Variants in ASAP1 observed in about 807,000 individuals in gnomAD.
The protein encoded by ASAP1 is ArfGAP with SH3 domain, ankyrin repeat and PH domain 1.
Under a neutral mutation model 145.2 loss-of-function variants are expected in ASAP1, and 43 were observed. That is an observed-to-expected ratio of 0.30 (90% CI 0.23 to 0.38). The LOEUF (loss-of-function observed/expected upper bound fraction) is 0.38. ASAP1 is among the 10% of genes least tolerant of loss of function. The pLI, the probability that ASAP1 is intolerant of heterozygous loss-of-function variation, is 1.00. For synonymous variants in ASAP1, 546 were observed against 515.5 expected (o/e 1.06, Z -0.80); for missense variants, 1,018 against 1,355.3 (o/e 0.75, Z 3.91).
chr8:130,275,861 C>A (rs1020263816), intron 3 of ASAP1, among the ~76,000 whole-genome samples: 1 of 152,104 alleles, frequency 6.6e-6, no homozygotes, highest in Non-Finnish European at 1.5e-5. Context: ...ACATTCCTCA[C>A]GGAGAACAAC....
At chr8:130,206,762 G>C (rs570165636) in intron 5 of ASAP1, among the ~76,000 whole-genome samples, 10 of 151,926 alleles carry the variant, frequency 6.6e-5, no homozygotes, top group Admixed American at 1.3e-4. Flanking sequence ...ACTTTCAAAG[G>C]GTATGGCATT....
intron 25 of ASAP1, among the ~76,000 whole-genome samples, chr8:130,086,862 C>A (rs1296285067): frequency 6.6e-6 from 1 of 152,272 alleles, no homozygotes; most frequent in South Asian, 2.1e-4. Context: ...GGGGGAAAGA[C>A]AGACTCTTTG....
At chr8:130,232,673 G>C (rs529850338) in intron 4 of ASAP1, among the ~76,000 whole-genome samples, 69 of 151,472 alleles carry the variant, frequency 4.6e-4, no homozygotes, top group Non-Finnish European at 7.5e-4. Context: ...TACTAGTACT[G>C]ATAAAAGTTT....
At chr8:130,130,938 C>A (rs944567040) in intron 15 of ASAP1, among the ~76,000 whole-genome samples, 1 of 152,038 alleles carries the variant, frequency 6.6e-6, no homozygotes, top group Non-Finnish European at 1.5e-5. Flanking sequence ...GGGCAAATCA[C>A]GAGGTCAGGA....
At chr8:130,131,011 G>T (rs2097582091) in intron 15 of ASAP1, among the ~76,000 whole-genome samples, 1 of 152,124 alleles carries the variant, frequency 6.6e-6, no homozygotes, top group South Asian at 2.1e-4. Context: ...AAAAAAATTA[G>T]CCAGGCGTGG....
At chr8:130,316,673 T>C (rs1207350578) in intron 3 of ASAP1, among the ~76,000 whole-genome samples, 11 of 152,288 alleles carry the variant, frequency 7.2e-5, no homozygotes, top group African/African-American at 2.4e-4. Flanking sequence ...AGAGGTGACC[T>C]TGAGGATGGA....
rs761792548 is a variant in ASAP1, at chr8:130,313,063, T to C, written c.186+44954A>G. Among the ~76,000 whole-genome samples the C allele has an allele frequency of 2.0e-5, 3 of 152,252 alleles. No individual in the cohort carries two copies. In the East Asian group the frequency reaches 5.8e-4, roughly 29 times the overall value. ...CACAAGTGAACTGTTGGGTTTTTAATACTTTAGGTTTTCATGGAAGAATCA... is the reference window on the plus strand; with the variant it reads ...CACAAGTGAACTGTTGGGTTTTTAACACTTTAGGTTTTCATGGAAGAATCA... On this transcript the variant is annotated intron_variant, in intron 3 of 29. Transcript: ENST00000518721.
chr8:130,075,751 G>C (rs1170572357), intron 27 of ASAP1, among the ~76,000 whole-genome samples: 1 of 152,174 alleles, frequency 6.6e-6, no homozygotes, highest in East Asian at 1.9e-4. Flanking sequence ...AGAAGACTCA[G>C]TCAAAGAGCT....
At chr8:130,220,559 G>A (rs1817229409) in intron 4 of ASAP1, among the ~76,000 whole-genome samples, 1 of 152,150 alleles carries the variant, frequency 6.6e-6, no homozygotes, top group African/African-American at 2.4e-5. Flanking sequence ...CAAGGTGGCT[G>A]GGTGCAGTGG....
intron 7 of ASAP1, among the ~76,000 whole-genome samples, chr8:130,183,993 G>A (rs1331379853): frequency 1.3e-5 from 2 of 152,142 alleles, no homozygotes; most frequent in Non-Finnish European, 2.9e-5. Flanking sequence ...AATACATAAT[G>A]TACTTTATAA....
intron 25 of ASAP1, among the ~76,000 whole-genome samples, chr8:130,082,480 G>A (rs2097482878): frequency 6.7e-6 from 1 of 149,126 alleles, no homozygotes; most frequent in Admixed American, 6.7e-5. Context: ...AGGATTACAG[G>A]TGTGAGCCAC....
At chr8:130,214,776 C>T in intron 4 of ASAP1, 75 bp from the exon 5 acceptor site, 1 of 1,243,876 alleles carries the variant, frequency 8.0e-7, no homozygotes, top group South Asian at 1.5e-5. Context: ...GAACACCGAT[C>T]ACTACGAATT....
chr8:130,394,238 C>T (rs1045808103), intron 2 of ASAP1, among the ~76,000 whole-genome samples: 2 of 152,154 alleles, frequency 1.3e-5, no homozygotes, highest in Non-Finnish European at 2.9e-5. Flanking sequence ...GGAGAAATAT[C>T]GCTGAATTCT....
At chr8:130,218,756 G>A (rs538718387) in intron 4 of ASAP1, among the ~76,000 whole-genome samples, 1 of 152,236 alleles carries the variant, frequency 6.6e-6, no homozygotes, top group South Asian at 2.1e-4. Context: ...AATGTGACGT[G>A]AGTGAGGCAG....
At chr8:130,387,569 C>A (rs544735501) in intron 2 of ASAP1, among the ~76,000 whole-genome samples, 48 of 149,080 alleles carry the variant, frequency 3.2e-4, no homozygotes, top group Non-Finnish European at 6.4e-4. Flanking sequence ...AGGTCCCAAC[C>A]AATTTTTTAA....
intron 2 of ASAP1, among the ~76,000 whole-genome samples, chr8:130,375,013 C>A (rs1310624649): frequency 6.6e-6 from 1 of 152,154 alleles, no homozygotes; most frequent in Non-Finnish European, 1.5e-5. Flanking sequence ...CTTAGCCTAA[C>A]TGGACTCATC....
intron 1 of ASAP1, among the ~76,000 whole-genome samples, chr8:130,431,171 G>A (rs571605965): frequency 9.9e-5 from 15 of 151,788 alleles, no homozygotes; most frequent in African/African-American, 3.4e-4. Flanking sequence ...CAATCCTACT[G>A]CCTCCCCATC....
intron 3 of ASAP1, among the ~76,000 whole-genome samples, chr8:130,354,917 ACT>A (rs1473366196): frequency 6.6e-6 from 1 of 152,086 alleles, no homozygotes; most frequent in East Asian, 1.9e-4. Flanking sequence ...ACGTAGCCTC[ACT>A]CTGTCGCCTA....
At chr8:130,113,883 G>GTGAT (rs377708571) in intron 23 of ASAP1, among the ~76,000 whole-genome samples, 1 of 152,098 alleles carries the variant, frequency 6.6e-6, no homozygotes, top group African/African-American at 2.4e-5. Flanking sequence ...CTGGGCTCAG[G>GTGAT]TGATTCTCCC....
Sources: allele counts gnomAD v4.1 joint callset (sites outside exome capture counted in the v4.1 genomes callset), GRCh38; gene constraint gnomAD v4.1.1; transcripts MANE v1.5; gene names NCBI Gene and HGNC (gene_info 2026-07-23, HGNC 2026-07-21).